Variants in RUFY2 observed in about 807,000 individuals in gnomAD.
The protein encoded by RUFY2 is RUN and FYVE domain containing 2, also known as RUN and FYVE domain-containing protein 2.
In RUFY2, 49 loss-of-function variants were observed where a neutral mutation model predicts 94.4. The ratio of observed to expected loss-of-function variants is 0.52; its 90% CI spans 0.41 to 0.66. The LOEUF is 0.66. RUFY2 is among the 30% of genes least tolerant of loss of function. RUFY2 has a pLI of 0.00. For synonymous variants in RUFY2, 255 were observed against 235.7 expected, an observed-to-expected ratio of 1.08 and a Z score of -0.75; for missense variants, 541 against 692.8, an observed-to-expected ratio of 0.78 and a Z score of 2.46.
At chr10:68,393,891 TTCTCC>T (rs1227083873) in intron 6 of RUFY2, 179 bp downstream of exon 6, 1 of 1,311,494 alleles carries the variant, frequency 7.6e-7, no homozygotes, top group African/African-American at 1.5e-5. Context: ...TAAAACCTCC[TTCTCC>T]TAAGTGATTT....
At chr10:68,400,547 GCA>G (rs2050747703) in intron 3 of RUFY2, among the ~76,000 whole-genome samples, 1 of 148,246 alleles carries the variant, frequency 6.7e-6, no homozygotes, top group Non-Finnish European at 1.5e-5. Flanking sequence ...ATGGTGGCAT[GCA>G]CCTGTAATCC....
At position 68,379,378 on chromosome 10, in the gene RUFY2, G is replaced by C. The variant is rs773744586; in HGVS notation, c.1205+46C>G. 17 of 1,346,150 alleles carry C rather than the reference G, an allele frequency of 1.3e-5. No homozygotes were observed. In the African/African-American group the frequency reaches 2.1e-4, roughly 16 times the overall value. The allele number at this position is 1,346,150 out of a possible 1,614,324, so 83.4% of individuals were successfully genotyped here. ...GGTGTAGGAACTGAATAAAGAAAAAGGGAAGAAGAAAAGAAAAAAAGAAAC... is the reference window on the plus strand; with the variant it reads ...GGTGTAGGAACTGAATAAAGAAAAACGGAAGAAGAAAAGAAAAAAAGAAAC... On this transcript the variant is annotated intron_variant, in intron 12 of 17. Transcript: ENST00000602465.
intron 3 of RUFY2, among the ~76,000 whole-genome samples, chr10:68,400,947 A>C (rs1453855488): frequency 2.6e-5 from 4 of 152,150 alleles, no homozygotes; most frequent in African/African-American, 4.8e-5. Context: ...CGGGAGGTGG[A>C]GCTTGCAGTG....
At chr10:68,380,071 G>A (rs971777930) in intron 11 of RUFY2, among the ~76,000 whole-genome samples, 2 of 151,396 alleles carry the variant, frequency 1.3e-5, no homozygotes, top group Non-Finnish European at 2.9e-5. Context: ...GCCTCCCAAA[G>A]TGCTGGGATT....
intron 8 of RUFY2, among the ~76,000 whole-genome samples, chr10:68,385,046 G>A (rs951289751): frequency 6.6e-6 from 1 of 152,138 alleles, no homozygotes; most frequent in Non-Finnish European, 1.5e-5. Context: ...GGTGGATCAC[G>A]AGGTCAGGAG....
chr10:68,396,233 A>C (rs1589978024), intron 4 of RUFY2, among the ~76,000 whole-genome samples: 1 of 151,956 alleles, frequency 6.6e-6, no homozygotes, highest in African/African-American at 2.4e-5. Flanking sequence ...CAAGTGATCC[A>C]CCTGCCTCGG....
Position 68,383,885 on chromosome 10 carries a change from A to C in RUFY2, c.852T>G (p.Leu284=), listed in dbSNP as rs2049281153. ...CCTGACGAGAATGCTTATATGTTTG[A>C]AGCTCAGTTTCCACATCTACTTTGG... ...EVTKVDVETE[L]QTYKHSRQGL... is the part of the protein sequence containing the mutation. The change falls in exon 10 of 18, where the codon CTT becomes CTG. Residue 284 remains leucine (L), a synonymous_variant. Coordinates refer to ENST00000602465, the MANE Select transcript of RUFY2 (RefSeq NM_001330103.2). 6.2e-7 allele frequency: 1 copy of C among 1,613,748 alleles called. No homozygotes were observed. Among genetic ancestry groups the C allele is most frequent in the African/African-American group, 1.3e-5 (1 of 74,924 alleles).
chr10:68,394,043 C>A, intron 6 of RUFY2, 32 bp downstream of exon 6: 1 of 1,488,460 alleles, frequency 6.7e-7, no homozygotes, highest in Non-Finnish European at 9.0e-7. Context: ...TATAAAAAAC[C>A]CAATATGTGA....
intron 13 of RUFY2, among the ~76,000 whole-genome samples, chr10:68,367,115 C>G (rs2047906293): frequency 6.6e-6 from 1 of 151,542 alleles, no homozygotes; most frequent in African/African-American, 2.4e-5. Flanking sequence ...CTGCAGTGAG[C>G]TGAGATTGCG....
intron 3 of RUFY2, among the ~76,000 whole-genome samples, chr10:68,400,712 T>TAA (rs561646469): frequency 2.9e-5 from 4 of 137,380 alleles, no homozygotes; most frequent in Admixed American, 7.3e-5. Flanking sequence ...AAAAGAAAAC[T>TAA]AAAAAAAAAA....
intron 7 of RUFY2, among the ~76,000 whole-genome samples, chr10:68,387,992 G>C (rs1279846884): frequency 6.6e-6 from 1 of 151,772 alleles, no homozygotes; most frequent in African/African-American, 2.4e-5. Flanking sequence ...GACAGGGCAA[G>C]ACTCTGTCTC....
intron 13 of RUFY2, among the ~76,000 whole-genome samples, chr10:68,365,802 G>T (rs191085558): frequency 6.6e-6 from 1 of 152,042 alleles, no homozygotes; most frequent in Non-Finnish European, 1.5e-5. Flanking sequence ...TCCAAGAACC[G>T]TTGATGCCAT....
intron 12 of RUFY2, chr10:68,377,512 C>CTGTGTGTGTG: frequency 1.1e-6 from 1 of 946,418 alleles, no homozygotes; most frequent in Non-Finnish European, 1.3e-6. Context: ...TGCCGAAGCT[C>CTGTGTGTGTG]TGTGTGTGTG....
At chr10:68,371,376 C>T (rs1303675600) in intron 13 of RUFY2, among the ~76,000 whole-genome samples, 1 of 151,620 alleles carries the variant, frequency 6.6e-6, no homozygotes, top group African/African-American at 2.4e-5. Context: ...GAGCCAAGAT[C>T]GCACCACTGC....
At chr10:68,341,554 T>TGAA (rs1257216243), downstream of RUFY2, 8 of 1,409,282 alleles carry the variant, frequency 5.7e-6, no homozygotes, top group Non-Finnish European at 7.9e-6. Context: ...CATTCCTTTC[T>TGAA]CCCCTGTTAC....
intron 14 of RUFY2, 73 bp from the exon 15 acceptor site, chr10:68,363,757 A>G: frequency 1.0e-6 from 1 of 987,242 alleles, no homozygotes; most frequent in Non-Finnish European, 1.5e-6. Context: ...TACATATACC[A>G]TTAATTAGAA....
At chr10:68,353,023 A>G (rs2046793983) in intron 16 of RUFY2, among the ~76,000 whole-genome samples, 1 of 151,858 alleles carries the variant, frequency 6.6e-6, no homozygotes, top group African/African-American at 2.4e-5. Context: ...CAACATTCAA[A>G]TAATCATAAT....
At chr10:68,387,918 G>A (rs1423561468) in intron 7 of RUFY2, among the ~76,000 whole-genome samples, 4 of 151,412 alleles carry the variant, frequency 2.6e-5, no homozygotes, top group Admixed American at 6.6e-5. Flanking sequence ...CAGGAGAATC[G>A]ATTGAACCCG....
Position 68,384,204 on chromosome 10 carries a change from G to T in RUFY2, c.721-52C>A, listed in dbSNP as rs757440074. The T allele has an allele frequency of 5.8e-6, 9 of 1,541,382 alleles. No homozygotes were observed. The Admixed American group carries it at 1.7e-4, about 29-fold the overall frequency. On this transcript the variant is annotated intron_variant, in intron 8 of 17. Coordinates refer to ENST00000602465, the MANE Select transcript of RUFY2 (RefSeq NM_001330103.2). Reference sequence around the variant, plus strand: ...AAAGATTTTAAACACCCTTATACTTGCTTTGCAGGTTATGTGCATGGCCAT... The same window carrying T: ...AAAGATTTTAAACACCCTTATACTTTCTTTGCAGGTTATGTGCATGGCCAT...
Sources: gnomAD v4.1 joint callset for allele counts (sites outside exome capture counted in the v4.1 genomes callset) on GRCh38, gnomAD v4.1.1 for gene constraint, MANE v1.5 for transcripts, NCBI Gene and HGNC (gene_info 2026-07-23, HGNC 2026-07-21) for gene names.